PCDH15: variants seen among roughly 807,000 people sequenced by gnomAD.
PCDH15 encodes the protein protocadherin-15.
A neutral mutation model predicts 178.5 loss-of-function variants in PCDH15; 129 were observed. That is an observed-to-expected ratio of 0.72 (90% CI 0.63 to 0.84). The LOEUF is 0.84. Among genes scored for constraint, PCDH15 ranks in the 40% least tolerant of loss-of-function variants. The probability of loss-of-function intolerance (pLI) is 0.00; values close to 1 mark genes in which losing one functional copy is unlikely to be tolerated. For missense variants in PCDH15, 2,230 were observed against 2,099.9 expected (o/e 1.06, Z -1.21); for synonymous variants, 800 against 732.0 (o/e 1.09, Z -1.50).
intron 7 of PCDH15, among the ~76,000 whole-genome samples, chr10:54,323,196 T>TA (rs1408469585): frequency 6.6e-6 from 1 of 152,064 alleles, no homozygotes; most frequent in Admixed American, 6.6e-5. Flanking sequence ...TGGCTATTAT[T>TA]AAAAAGTCAA....
At chr10:54,122,912 A>G (rs1349359301) in intron 15 of PCDH15, among the ~76,000 whole-genome samples, 2 of 151,804 alleles carry the variant, frequency 1.3e-5, no homozygotes, top group Admixed American at 1.3e-4. Flanking sequence ...AAAAATAAGC[A>G]CTGTGGAAAG....
chr10:54,039,809 T>C (rs2093500421), intron 18 of PCDH15, among the ~76,000 whole-genome samples: 1 of 152,196 alleles, frequency 6.6e-6, no homozygotes, highest in African/African-American at 2.4e-5. Context: ...CCTCTCTTTC[T>C]GGCATTTCTA....
chr10:54,905,788 CAAA>C (rs1954709100), intron 2 of PCDH15, among the ~76,000 whole-genome samples: 1 of 152,064 alleles, frequency 6.6e-6, no homozygotes, highest in East Asian at 1.9e-4. Context: ...ACTCTTCTGT[CAAA>C]ACAGAACAGT....
At chr10:54,734,037 TA>T (rs1943751592) in intron 1 of PCDH15, among the ~76,000 whole-genome samples, 2 of 151,560 alleles carry the variant, frequency 1.3e-5, no homozygotes, top group African/African-American at 4.8e-5. Flanking sequence ...GCAGCCATTT[TA>T]TAGAAAGAAT....
intron 3 of PCDH15, among the ~76,000 whole-genome samples, chr10:54,444,317 T>C (rs1293317416): frequency 1.3e-5 from 2 of 151,680 alleles, no homozygotes; most frequent in East Asian, 3.9e-4. Context: ...ATCATTCACA[T>C]AGACTATAGT....
intron 3 of PCDH15, among the ~76,000 whole-genome samples, chr10:54,515,277 A>G (rs2082093986): frequency 6.6e-6 from 1 of 152,192 alleles, no homozygotes; most frequent in Non-Finnish European, 1.5e-5. Flanking sequence ...CTCCCACCTT[A>G]ATACTGCACT....
chr10:54,009,231 A>G (rs1564997646), intron 20 of PCDH15, among the ~76,000 whole-genome samples: 1 of 152,142 alleles, frequency 6.6e-6, no homozygotes, highest in Non-Finnish European at 1.5e-5. Context: ...ATTTCCTGAA[A>G]TAGACACATT....
intron 15 of PCDH15, among the ~76,000 whole-genome samples, chr10:54,110,105 G>C (rs1378127772): frequency 3.3e-5 from 5 of 152,146 alleles, no homozygotes; most frequent in African/African-American, 1.2e-4. Context: ...AAGTTTGTCT[G>C]CGTGGTTGTC....
intron 2 of PCDH15, among the ~76,000 whole-genome samples, chr10:55,155,130 G>A (rs1217643407): frequency 1.3e-5 from 2 of 152,008 alleles, no homozygotes; most frequent in African/African-American, 2.4e-5. Context: ...AGGATTTTAG[G>A]AGGCAAACAA....
chr10:54,492,008 T>C (rs2079641138), intron 3 of PCDH15, among the ~76,000 whole-genome samples: 2 of 152,188 alleles, frequency 1.3e-5, no homozygotes, highest in Non-Finnish European at 2.9e-5. Flanking sequence ...TAAAGTAATA[T>C]GTCATTTGTT....
At chr10:54,006,056 G>C (rs2092375794) in intron 20 of PCDH15, among the ~76,000 whole-genome samples, 1 of 152,112 alleles carries the variant, frequency 6.6e-6, no homozygotes, top group Admixed American at 6.6e-5. Context: ...ACTTTCTGGT[G>C]TCTCCCAGAA....
rs181789334 is a variant in PCDH15 at position 54,006,501 on chromosome 10, T to C, written c.2752-10736A>G. ...CAATAGGTATGCTGTAGATGAAATGTCCAGAATTTCTGTTTTGTTTGAGTC... is the reference window on the plus strand; with the variant it reads ...CAATAGGTATGCTGTAGATGAAATGCCCAGAATTTCTGTTTTGTTTGAGTC... On this transcript the variant is annotated intron_variant, in intron 20 of 37. Transcript: ENST00000644397. Among the ~76,000 whole-genome samples the C allele has an allele frequency of 9.4e-4, 143 of 152,312 alleles. 2 individuals are homozygous for C. Among genetic ancestry groups the C allele is most frequent in the Non-Finnish European group, 2.9e-5 (2 of 68,022 alleles).
intron 27 of PCDH15, among the ~76,000 whole-genome samples, chr10:53,862,408 A>T (rs951644861): frequency 1.3e-5 from 2 of 152,140 alleles, no homozygotes; most frequent in African/African-American, 4.8e-5. Context: ...TGCATTGGCC[A>T]CTTGGAAAAT....
chr10:55,505,538 A>G (rs1375034890), intron 2 of PCDH15, among the ~76,000 whole-genome samples: 1 of 151,408 alleles, frequency 6.6e-6, no homozygotes, highest in Non-Finnish European at 1.5e-5. Context: ...ACAGATTCAC[A>G]ATGATAGACA....
At chr10:53,844,871 AAT>A (rs1458288678) in intron 28 of PCDH15, among the ~76,000 whole-genome samples, 1 of 152,012 alleles carries the variant, frequency 6.6e-6, no homozygotes, top group Non-Finnish European at 1.5e-5. Context: ...TGAAAGCAAA[AAT>A]AGGCAAATGG....
intron 2 of PCDH15, among the ~76,000 whole-genome samples, chr10:54,580,309 G>A (rs887292738): frequency 2.0e-5 from 3 of 151,902 alleles, no homozygotes; most frequent in East Asian, 1.9e-4. Context: ...CATGGAAACC[G>A]AAAAGATCCT....
intron 1 of PCDH15, among the ~76,000 whole-genome samples, chr10:55,250,510 T>C (rs1196237270): frequency 6.8e-6 from 1 of 147,974 alleles, no homozygotes; most frequent in Non-Finnish European, 1.5e-5. Flanking sequence ...AATACCAAAA[T>C]GACCTAAGAA....
intron 14 of PCDH15, among the ~76,000 whole-genome samples, chr10:54,151,630 T>C (rs1019858377): frequency 6.6e-6 from 1 of 151,822 alleles, no homozygotes; most frequent in Non-Finnish European, 1.5e-5. Context: ...AGAACTTACA[T>C]AAAAAGAAAA....
At chr10:54,496,321 C>G (rs186165174) in intron 3 of PCDH15, among the ~76,000 whole-genome samples, 292 of 152,066 alleles carry the variant, frequency 1.9e-3, no homozygotes, top group African/African-American at 6.6e-3. Context: ...GTTTTGTTTT[C>G]TTTATGTAGA....
Sources: gnomAD v4.1 joint callset for allele counts (sites outside exome capture counted in the v4.1 genomes callset) on GRCh38, gnomAD v4.1.1 for gene constraint, MANE v1.5 for transcripts, NCBI Gene and HGNC (gene_info 2026-07-23, HGNC 2026-07-21) for gene names.